The following TASP1 variants were observed in gnomAD, a reference collection of about 807,000 sequenced individuals.
TASP1 encodes the protein taspase 1, also known as threonine aspartase 1.
TASP1 carries 16 observed loss-of-function variants against 56.6 expected under a neutral mutation model. The observed-to-expected ratio is 0.28, with a 90% CI of 0.19 to 0.43. The LOEUF (loss-of-function observed/expected upper bound fraction) is 0.43, where lower values mean the gene tolerates loss of function less well. Among genes scored for constraint, TASP1 ranks in the 20% least tolerant of loss-of-function variants. The probability of loss-of-function intolerance (pLI) is 1.00; values close to 1 mark genes in which losing one functional copy is unlikely to be tolerated. For missense variants in TASP1, 393 were observed against 511.6 expected, an observed-to-expected ratio of 0.77 and a Z score of 2.24; for synonymous variants, 179 against 184.2, an observed-to-expected ratio of 0.97 and a Z score of 0.23.
At chr20:13,477,227 T>A (rs6109904) in intron 11 of TASP1, among the ~76,000 whole-genome samples, 13,910 of 152,048 alleles carry the variant, frequency 0.091, 1,202 homozygotes, top group African/African-American at 0.23. Flanking sequence ...TTGACAGTGA[T>A]CCTCTAATGT....
chr20:13,110,702 T>TAGGA, the TASP1 span, among the ~76,000 whole-genome samples: 2 of 152,022 alleles, frequency 1.3e-5, no homozygotes, highest in Non-Finnish European at 2.9e-5. Context: ...TTCCCCAAGG[T>TAGGA]AGGAGTAACC....
intron 8 of TASP1, among the ~76,000 whole-genome samples, chr20:13,557,466 T>C (rs80158154): frequency 1.8e-4 from 28 of 151,858 alleles, no homozygotes; most frequent in Non-Finnish European, 3.5e-4. Context: ...ATGAAAGAAC[T>C]GGAAATATTC....
the TASP1 span, among the ~76,000 whole-genome samples, chr20:13,265,063 A>G: frequency 1.3e-5 from 2 of 152,276 alleles, no homozygotes; most frequent in Non-Finnish European, 1.5e-5. Context: ...TGTGTATAAT[A>G]TTTAACTCTG....
At chr20:13,260,805 C>T in the TASP1 span, among the ~76,000 whole-genome samples, 3,444 of 152,246 alleles carry the variant, frequency 0.023, 64 homozygotes, top group Non-Finnish European at 0.036. Context: ...ACACTGGGTT[C>T]ACTAGCTTAA....
chr20:13,396,110 T>TG (rs2041526095), intron 13 of TASP1, among the ~76,000 whole-genome samples: 1 of 152,118 alleles, frequency 6.6e-6, no homozygotes, highest in East Asian at 1.9e-4. Flanking sequence ...TTTATTGCCT[T>TG]GTTTCTATTG....
At chr20:13,281,858 C>A in the TASP1 span, among the ~76,000 whole-genome samples, 1 of 152,208 alleles carries the variant, frequency 6.6e-6, no homozygotes, top group Non-Finnish European at 1.5e-5. Context: ...GCTCAGACAC[C>A]TGGCATCAGA....
chr20:13,164,806 G>A, the TASP1 span: 30 of 1,613,634 alleles, frequency 1.9e-5, no homozygotes, highest in South Asian at 7.7e-5. Flanking sequence ...AAATATTCCC[G>A]GCACAAGAAG....
intron 10 of TASP1, among the ~76,000 whole-genome samples, chr20:13,516,394 C>T (rs2146761156): frequency 6.6e-6 from 1 of 152,236 alleles, no homozygotes. Flanking sequence ...CTGAAAAACA[C>T]ACGTTTCCAA....
chr20:13,201,459 T>G, the TASP1 span, among the ~76,000 whole-genome samples: 1 of 152,152 alleles, frequency 6.6e-6, no homozygotes, highest in African/African-American at 2.4e-5. Context: ...GCTGCCATTT[T>G]GCATTATGCC....
chr20:13,550,554 A>G (rs2045949919), intron 8 of TASP1, among the ~76,000 whole-genome samples: 1 of 152,118 alleles, frequency 6.6e-6, no homozygotes, highest in Non-Finnish European at 1.5e-5. Context: ...AAAATACATA[A>G]AGTAATCTCT....
chr20:13,154,268 C>T, the TASP1 span: 17 of 1,158,984 alleles, frequency 1.5e-5, no homozygotes, highest in African/African-American at 9.3e-5. Flanking sequence ...TACGGCTTCT[C>T]GGAAGCCACC....
At chr20:13,630,363 G>A (rs1234759533) in intron 1 of TASP1, among the ~76,000 whole-genome samples, 1 of 152,072 alleles carries the variant, frequency 6.6e-6, no homozygotes. Flanking sequence ...AATATAAAAA[G>A]GTTAGAATTT....
chr20:13,311,259 A>AGATGATAGATAGATAGATG, the TASP1 span, among the ~76,000 whole-genome samples: 2 of 115,354 alleles, frequency 1.7e-5, no homozygotes, highest in South Asian at 4.9e-4. Flanking sequence ...ATAGATAGAT[A>AGATGATAGATAGATAGATG]GATAGATAGA....
intron 12 of TASP1, among the ~76,000 whole-genome samples, chr20:13,419,810 C>T (rs758484739): frequency 6.6e-6 from 1 of 152,176 alleles, no homozygotes; most frequent in Non-Finnish European, 1.5e-5. Context: ...AATTAGTTAT[C>T]AAACCTGCCA....
chr20:13,362,814 TATATATATATATATA>T, the TASP1 span, among the ~76,000 whole-genome samples: 1 of 67,988 alleles, frequency 1.5e-5, no homozygotes, highest in African/African-American at 1.1e-4. Flanking sequence ...AAGAAATATA[TATATATATATATATA>T]TATATATATT....
the TASP1 span, among the ~76,000 whole-genome samples, chr20:13,345,342 G>A: frequency 1.3e-5 from 2 of 152,270 alleles, no homozygotes; most frequent in Non-Finnish European, 1.5e-5. Flanking sequence ...TAAGGCCTTT[G>A]GGTGCTGGAG....
chr20:13,114,193 T>A, the TASP1 span, among the ~76,000 whole-genome samples: 1 of 152,236 alleles, frequency 6.6e-6, no homozygotes, highest in Non-Finnish European at 1.5e-5. Context: ...AGTTTCTTCA[T>A]CTGTAACACA....
chr20:13,197,222 G>C, the TASP1 span, among the ~76,000 whole-genome samples: 1 of 152,166 alleles, frequency 6.6e-6, no homozygotes, highest in Non-Finnish European at 1.5e-5. Flanking sequence ...CATCAGAAAG[G>C]TAAGACTATT....
At chr20:13,248,231 AT>A in the TASP1 span, among the ~76,000 whole-genome samples, 1 of 152,156 alleles carries the variant, frequency 6.6e-6, no homozygotes, top group Non-Finnish European at 1.5e-5. Flanking sequence ...ATTCTTCTTT[AT>A]GAACATTTCT....
Sources: gnomAD v4.1 joint callset for allele counts (sites outside exome capture counted in the v4.1 genomes callset) on GRCh38, gnomAD v4.1.1 for gene constraint, MANE v1.5 for transcripts, NCBI Gene and HGNC (gene_info 2026-07-23, HGNC 2026-07-21) for gene names.